Variants in PLCH2 observed in about 807,000 individuals in gnomAD.
The protein encoded by PLCH2 is phospholipase C eta 2.
Under a neutral mutation model 134.7 loss-of-function variants are expected in PLCH2, and 98 were observed. That is an observed-to-expected ratio of 0.73 (90% confidence interval 0.62 to 0.86). The LOEUF (loss-of-function observed/expected upper bound fraction) is 0.86, where lower values mean the gene tolerates loss of function less well. Among genes scored for constraint, PLCH2 ranks in the 40% least tolerant of loss-of-function variants. The pLI, the probability that PLCH2 is intolerant of heterozygous loss-of-function variation, is 0.00. For missense variants in PLCH2, 1,994 were observed against 1,986.6 expected, an observed-to-expected ratio of 1.00 and a Z score of -0.07; for synonymous variants, 974 against 827.5, an observed-to-expected ratio of 1.18 and a Z score of -3.04.
In PLCH2 at chr1:2,504,759, C is replaced by A. The variant is rs765249318; in HGVS notation, c.3797C>A (p.Ala1266Asp). The A allele has an allele frequency of 3.1e-6, 5 of 1,612,326 alleles. No homozygotes were observed. Among genetic ancestry groups the A allele is most frequent in the Non-Finnish European group, 3.4e-6 (4 of 1,179,786 alleles). The change falls in exon 22 of 22, where the codon GCC becomes GAC. Residue 1266 changes from alanine (A) to aspartate (D), a missense_variant. This residue lies in a region of PLCH2 where 900 missense variants were observed against 752.3 expected (regional missense o/e 1.20). Transcript: ENST00000378486. The part of the protein sequence containing the change: ...SLGDLTADDF[A>D]PSFEGGSRRL... ...GGCGACCTCACTGCTGATGACTTTGCCCCTAGCTTTGAGGGCGGCTCCCGC... is the reference window on the plus strand; with the variant it reads ...GGCGACCTCACTGCTGATGACTTTGACCCTAGCTTTGAGGGCGGCTCCCGC...
At chr1:2,480,669 C>T (rs1336332572) in intron 4 of PLCH2, among the ~76,000 whole-genome samples, 2 of 152,220 alleles carry the variant, frequency 1.3e-5, no homozygotes, top group Non-Finnish European at 2.9e-5. Flanking sequence ...GCCCCAGCCC[C>T]GCAGCCTCGA....
chr1:2,450,407 G>C (rs1640137368), intron 2 of PLCH2, among the ~76,000 whole-genome samples: 1 of 151,934 alleles, frequency 6.6e-6, no homozygotes, highest in Non-Finnish European at 1.5e-5. Flanking sequence ...GGGCCGTCTG[G>C]GATGTTTCCC....
At chr1:2,437,196 G>A (rs1426502761) in intron 2 of PLCH2, among the ~76,000 whole-genome samples, 1 of 152,200 alleles carries the variant, frequency 6.6e-6, no homozygotes. Context: ...TTGGCTGGGA[G>A]GGAGCAGGCT....
rs943306544 is a variant in PLCH2 at position 2,448,505 on chromosome 1, C to A, written c.115+17876C>A. 1.3e-5 allele frequency among the ~76,000 whole-genome samples: 2 copies of A among 152,206 alleles called. No individual in the cohort carries two copies. The highest frequency in any genetic ancestry group is 4.8e-5 in the African/African-American group (2 of 41,442). ...TGCCTGGGTCATTCGGGACGATCTC[C>A]TCGGCGCAGGCCTTTCACTGAGCAC... On this transcript the variant is annotated intron_variant, in intron 2 of 3. Transcript: ENST00000609981. This position sits in a 1 kb window ranked among gnomAD's most constrained non-coding sequence, Gnocchi z 4.0.
At chr1:2,426,434 G>A (rs1424573741) in intron 1 of PLCH2, among the ~76,000 whole-genome samples, 4 of 152,248 alleles carry the variant, frequency 2.6e-5, no homozygotes, top group African/African-American at 7.2e-5. Flanking sequence ...GCCTCCCAAA[G>A]TCCCTGGTTC....
intron 2 of PLCH2, among the ~76,000 whole-genome samples, chr1:2,451,789 T>C (rs1175962980): frequency 6.6e-6 from 1 of 152,142 alleles, no homozygotes; most frequent in African/African-American, 2.4e-5. Context: ...TAACGTGCTC[T>C]TGGCCCCAGC....
rs1558036905 is a variant in PLCH2, at chr1:2,502,264, G to A, written c.2814G>A (p.Lys938=). The change falls in exon 21 of 22, where the codon AAG becomes AAA. Residue 938 remains lysine, a synonymous_variant. Coordinates refer to ENST00000378486, the MANE Select transcript of PLCH2 (RefSeq NM_014638.4). ...RTASAPTKSQ[K]PGRRGFPELV... is the part of the protein sequence containing the mutation. ...CCAGCGCCCCGACCAAGAGCCAGAA[G>A]CCGGGCCGCAGGGGCTTCCCGGAGC... 1.9e-6 allele frequency: 3 copies of A among 1,541,038 alleles called. No individual in the cohort carries two copies. The highest frequency in any genetic ancestry group is 2.8e-5 in the African/African-American group (2 of 72,470).
chr1:2,481,254 T>A (rs1315741025), intron 4 of PLCH2, among the ~76,000 whole-genome samples: 1 of 152,082 alleles, frequency 6.6e-6, no homozygotes, highest in African/African-American at 2.4e-5. Context: ...CAGGACAGGG[T>A]GTGTGCGTGA....
chr1:2,435,652 C>T (rs1639294011), intron 2 of PLCH2, among the ~76,000 whole-genome samples: 1 of 152,092 alleles, frequency 6.6e-6, no homozygotes, highest in Non-Finnish European at 1.5e-5. Context: ...TCAGAGCCCA[C>T]AGCACGCCTG....
At position 2,484,431 on chromosome 1, in the gene PLCH2, A is replaced by C. The variant is rs573139070; in HGVS notation, c.646-17A>C. 161 of 1,612,616 alleles carry C rather than the reference A, an allele frequency of 1.0e-4. No individual in the cohort carries two copies. The highest frequency in any genetic ancestry group is 8.3e-5 in the Non-Finnish European group (98 of 1,179,426). On this transcript the variant is annotated splice_polypyrimidine_tract_variant and intron_variant, in intron 4 of 21. Transcript: ENST00000378486. ...CTGGTCGAGGTGCCAATGGGGACCC[A>C]AGGCCTTGCATTGCAGGAAGCGGAC...
rs376325837 is a variant in PLCH2 at position 2,431,433 on chromosome 1, C to T, written c.115+804C>T. On this transcript the variant is annotated intron_variant, in intron 2 of 3. Transcript: ENST00000609981. ...CTCCAGATATGCCCAGACAGGTCTTCGCCATCTGAGGGTGGAGCTGCGCCT... is the reference window on the plus strand; with the variant it reads ...CTCCAGATATGCCCAGACAGGTCTTTGCCATCTGAGGGTGGAGCTGCGCCT... Among the ~76,000 whole-genome samples the T allele has an allele frequency of 6.4e-4, 97 of 152,182 alleles. 2 individuals carry two copies. Among genetic ancestry groups the T allele is most frequent in the Non-Finnish European group, 2.4e-4 (16 of 68,038 alleles).
At chr1:2,454,957 C>T (rs1640417555) in intron 2 of PLCH2, among the ~76,000 whole-genome samples, 1 of 152,100 alleles carries the variant, frequency 6.6e-6, no homozygotes, top group African/African-American at 2.4e-5. Flanking sequence ...CCAGGCTGGA[C>T]CCTCCCTGCC....
intron 1 of PLCH2, among the ~76,000 whole-genome samples, chr1:2,477,142 G>A (rs1472849047): frequency 1.3e-5 from 2 of 152,154 alleles, no homozygotes; most frequent in Non-Finnish European, 2.9e-5. Context: ...TGGCTGGGAG[G>A]GTGGAGTGTG....
intron 4 of PLCH2, among the ~76,000 whole-genome samples, chr1:2,484,202 T>C (rs1421915685): frequency 6.6e-6 from 1 of 151,982 alleles, no homozygotes; most frequent in African/African-American, 2.4e-5. Flanking sequence ...GAGGTGGCTG[T>C]GGGTTGAAGG....
chr1:2,503,500 G>A (rs1428677081), intron 21 of PLCH2: 8 of 652,064 alleles, frequency 1.2e-5, no homozygotes, highest in Non-Finnish European at 1.9e-5. Context: ...CCACTAGAAG[G>A]GTGTCTCCTT....
chr1:2,491,444 G>C (rs1467509119), intron 11 of PLCH2, 109 bp downstream of exon 11: 26 of 1,135,964 alleles, frequency 2.3e-5, no homozygotes, highest in Admixed American at 8.4e-5. Flanking sequence ...TCACACCTGT[G>C]CACACACAAA....
At chr1:2,490,926 C>T (rs939879323) in intron 10 of PLCH2, among the ~76,000 whole-genome samples, 1 of 152,240 alleles carries the variant, frequency 6.6e-6, no homozygotes, top group Non-Finnish European at 1.5e-5. Flanking sequence ...AGACCCTGTG[C>T]CGCCTGCTGG....
intron 2 of PLCH2, among the ~76,000 whole-genome samples, chr1:2,432,820 C>T (rs1174118089): frequency 6.6e-6 from 1 of 152,202 alleles, no homozygotes; most frequent in African/African-American, 2.4e-5. Flanking sequence ...CCCAACTCCC[C>T]CGTCCGGAGG....
chr1:2,501,841 G>A, intron 20 of PLCH2: 1 of 440,854 alleles, frequency 2.3e-6, no homozygotes, highest in Non-Finnish European at 4.0e-6. Context: ...GCCCTGGACA[G>A]GTCAGGCGAG....
Sources: gnomAD v4.1 joint callset for allele counts (sites outside exome capture counted in the v4.1 genomes callset) on GRCh38, gnomAD v4.1.1 for gene constraint, gnomAD v4.1.1 regional missense constraint, Gnocchi (gnomAD v3.1) non-coding constraint, MANE v1.5 for transcripts, NCBI Gene and HGNC (gene_info 2026-07-23, HGNC 2026-07-21) for gene names.